The following NUP160 variants were observed in gnomAD, a reference collection of about 807,000 sequenced individuals.
NUP160 encodes nuclear pore complex protein Nup160.
Under a neutral mutation model 196.9 loss-of-function variants are expected in NUP160, and 94 were observed. The ratio of observed to expected loss-of-function variants is 0.48; its 90% CI spans 0.40 to 0.57. The LOEUF (loss-of-function observed/expected upper bound fraction) is 0.57. Ranked by LOEUF, NUP160 falls within the 20% of genes least tolerant of loss-of-function variation. The pLI is 0.00. For missense variants in NUP160, 1,638 were observed against 1,748.3 expected (o/e 0.94, Z 1.13); for synonymous variants, 605 against 619.7 (o/e 0.98, Z 0.35).
chr11:47,783,153 G>C (rs2097662470), exon 34 of NUP160: 4 of 1,613,650 alleles, frequency 2.5e-6, no homozygotes, highest in Non-Finnish European at 3.4e-6. Context: ...TCTTCTAAAA[G>C]GTCATAGTTT....
chr11:47,843,294 T>A (rs1852340821), intron 2 of NUP160, among the ~76,000 whole-genome samples: 1 of 152,150 alleles, frequency 6.6e-6, no homozygotes, highest in Non-Finnish European at 1.5e-5. Flanking sequence ...CTGCAGCAAT[T>A]CCTGACCAGG....
intron 17 of NUP160, among the ~76,000 whole-genome samples, chr11:47,809,227 CTGGGCACAACAGAAGTGAGA>C (rs1334984806): frequency 5.3e-5 from 7 of 130,848 alleles, no homozygotes; most frequent in African/African-American, 2.0e-4. Flanking sequence ...GCACTTCAGC[CTGGGCACAACAGAAGTGAGA>C]ACTTGTCTCA....
chr11:47,817,688 T>C (rs1266944049), intron 11 of NUP160, among the ~76,000 whole-genome samples: 1 of 152,154 alleles, frequency 6.6e-6, no homozygotes, highest in African/African-American at 2.4e-5. Context: ...TTCACTGTCC[T>C]AATAAAAAGG....
intron 6 of NUP160, among the ~76,000 whole-genome samples, 180 bp downstream of exon 6, chr11:47,836,707 G>GTA (rs1303026751): frequency 6.6e-6 from 1 of 152,172 alleles, no homozygotes; most frequent in Non-Finnish European, 1.5e-5. Flanking sequence ...TAAAAAGACA[G>GTA]TAAGTTAGGA....
chr11:47,799,828 G>C (rs2097673097), intron 23 of NUP160, among the ~76,000 whole-genome samples: 1 of 152,158 alleles, frequency 6.6e-6, no homozygotes, highest in South Asian at 2.1e-4. Context: ...TTACAGGCGT[G>C]AGCCACTGCA....
chr11:47,833,978 T>C (rs1852123687), intron 7 of NUP160, among the ~76,000 whole-genome samples: 1 of 152,246 alleles, frequency 6.6e-6, no homozygotes, highest in Non-Finnish European at 1.5e-5. Context: ...TTCACTGTAA[T>C]ACATTTTAGC....
chr11:47,815,254 T>G (rs1453485242), intron 13 of NUP160: 3 of 367,394 alleles, frequency 8.2e-6, no homozygotes, highest in Non-Finnish European at 1.4e-5. Flanking sequence ...ATAAATACAA[T>G]AAAATACAAA....
At chr11:47,827,871 T>C (rs1283025591) in intron 7 of NUP160, among the ~76,000 whole-genome samples, 3 of 152,052 alleles carry the variant, frequency 2.0e-5, no homozygotes, top group African/African-American at 7.2e-5. Context: ...AAGGAAGTAA[T>C]AAAACTAACT....
In NUP160 at chr11:47,792,998, T is replaced by C. The variant is rs1009355993; in HGVS notation, c.3290-52A>G. ...TAGAACTTCCAAATTTTTTTTTCTT[T>C]TTTTTGGAGACAGAGTCTTGCTCTG... On this transcript the variant is annotated intron_variant, in intron 27 of 35. Coordinates refer to ENST00000378460, the Ensembl canonical transcript of NUP160. The C allele has an allele frequency of 2.0e-6, 3 of 1,530,784 alleles. No homozygotes were observed. In the Admixed American group the frequency reaches 5.7e-5, roughly 29 times the overall value. 94.8% of individuals were successfully genotyped at this position (1,530,784 alleles called of 1,614,324 possible). A position where few individuals can be genotyped will look rare whatever the true frequency, so the allele number is the denominator to read the frequency against.
chr11:47,789,515 T>C (rs1209520501), intron 29 of NUP160, among the ~76,000 whole-genome samples: 1 of 152,128 alleles, frequency 6.6e-6, no homozygotes, highest in African/African-American at 2.4e-5. Context: ...AAATACAACA[T>C]TCAAGAAAAA....
intron 2 of NUP160, among the ~76,000 whole-genome samples, 200 bp downstream of exon 2, chr11:47,847,648 T>TGGGGGGGGGGGGG (rs56283744): frequency 3.5e-4 from 27 of 77,484 alleles, no homozygotes; most frequent in Non-Finnish European, 4.3e-4. Flanking sequence ...TGTGTGGGGG[T>TGGGGGGGGGGGGG]GGGGGGGGGG....
At chr11:47,807,139 C>T (rs538416555) in exon 19 of NUP160, 4 of 1,605,102 alleles carry the variant, frequency 2.5e-6, no homozygotes, top group South Asian at 1.1e-5. Flanking sequence ...AGATTAGACT[C>T]CCTGTGAGAA....
rs370437660 is a variant in NUP160 at position 47,804,204 on chromosome 11, T to C, written c.2676+345A>G. The C allele has an allele frequency of 1.5e-4, 27 of 176,866 alleles. 3 individuals are homozygous for C. The highest frequency in any genetic ancestry group is 6.1e-4 in the African/African-American group (26 of 42,386). 11.0% of individuals were successfully genotyped at this position (176,866 alleles called of 1,614,324 possible). On this transcript the variant is annotated intron_variant, in intron 21 of 35. Coordinates refer to ENST00000378460, the Ensembl canonical transcript of NUP160. ...TCAGGAAAAAAAAAAAAAGATACTC[T>C]AGAAAAAATCACGTTAGGAATTATA...
intron 2 of NUP160, among the ~76,000 whole-genome samples, chr11:47,844,599 A>G (rs575903503): frequency 6.6e-6 from 1 of 152,238 alleles, no homozygotes; most frequent in African/African-American, 2.4e-5. Context: ...CTCAAATGTC[A>G]GCTTACCCCT....
chr11:47,819,595 T>C (rs1851815924), intron 9 of NUP160, 137 bp from the exon 10 acceptor site: 1 of 441,498 alleles, frequency 2.3e-6, no homozygotes, highest in African/African-American at 2.1e-5. Context: ...ATTAAAAACA[T>C]TTTTTTTTAA....
intron 10 of NUP160, among the ~76,000 whole-genome samples, chr11:47,818,659 A>T (rs972709416): frequency 2.0e-5 from 3 of 152,188 alleles, no homozygotes; most frequent in African/African-American, 4.8e-5. Context: ...AACTCTCCTA[A>T]ACCAGATTTG....
chr11:47,782,956 G>A, intron 34 of NUP160, 117 bp downstream of exon 34: 3 of 888,598 alleles, frequency 3.4e-6, no homozygotes, highest in East Asian at 5.2e-5. Flanking sequence ...ACTGTGCCCG[G>A]CCATCAGTAT....
intron 27 of NUP160, chr11:47,796,223 GAAA>G: frequency 6.4e-6 from 3 of 470,384 alleles, no homozygotes; most frequent in Non-Finnish European, 3.9e-6. Context: ...CTTCCACACA[GAAA>G]AAGAGAAATA....
In NUP160 at chr11:47,819,275, T is replaced by C. The variant is rs1041364950; in HGVS notation, c.1362+99A>G. ...TTGCAGTGAGCCAAGATCATGCCACTGTACCCCAGCCTGGGCCACAGAGCG... is the reference window on the plus strand; with the variant it reads ...TTGCAGTGAGCCAAGATCATGCCACCGTACCCCAGCCTGGGCCACAGAGCG... On this transcript the variant is annotated intron_variant, in intron 10 of 35. Transcript: ENST00000378460. 1.9e-4 allele frequency: 156 copies of C among 828,408 alleles called. 3 individuals are homozygous for C. In the Admixed American group the frequency reaches 3.1e-3, roughly 16 times the overall value. 51.3% of individuals were successfully genotyped at this position (828,408 alleles called of 1,614,324 possible).
Sources: allele counts gnomAD v4.1 joint callset (sites outside exome capture counted in the v4.1 genomes callset), GRCh38; gene constraint gnomAD v4.1.1; transcripts MANE v1.5; gene names NCBI Gene and HGNC (gene_info 2026-07-23, HGNC 2026-07-21).